TMEM200A: variants seen among roughly 807,000 people sequenced by gnomAD.
TMEM200A encodes the protein transmembrane protein 200A.
In TMEM200A, 12 loss-of-function variants were observed where a neutral mutation model predicts 24.3. The observed-to-expected ratio is 0.49, with a 90% CI of 0.32 to 0.80. The LOEUF (loss-of-function observed/expected upper bound fraction) is 0.80, where lower values mean the gene tolerates loss of function less well. Among genes scored for constraint, TMEM200A ranks in the 30% least tolerant of loss-of-function variants. TMEM200A has a pLI of 0.04. For missense variants in TMEM200A, 545 were observed against 614.4 expected (o/e 0.89, Z 1.19); for synonymous variants, 224 against 224.4 (o/e 1.00, Z 0.02).
intron 2 of TMEM200A, among the ~76,000 whole-genome samples, chr6:130,407,290 T>G (rs1022759414): frequency 6.6e-6 from 1 of 152,178 alleles, no homozygotes; most frequent in Non-Finnish European, 1.5e-5. Flanking sequence ...AATGTTTTAT[T>G]TAGGGATTTG....
chr6:130,429,076 C>T (rs1177275796), intron 2 of TMEM200A, among the ~76,000 whole-genome samples: 1 of 152,058 alleles, frequency 6.6e-6, no homozygotes, highest in East Asian at 1.9e-4. Flanking sequence ...AGATAAAATG[C>T]TACAGCAGTG....
rs189831503 is a variant in TMEM200A at position 130,415,705 on chromosome 6, C to T, written c.-16-24702C>T. Among the ~76,000 whole-genome samples, 78 of 152,228 alleles carry T rather than the reference C, an allele frequency of 5.1e-4. No individual in the cohort carries two copies. In the East Asian group the frequency reaches 0.015, roughly 29 times the overall value. Reference sequence around the variant, plus strand: ...CCCTCCTTTTCCTGCTGCCACTAGACAGTTATTGAAGGGTGTCTGAGGTTG... The same window carrying T: ...CCCTCCTTTTCCTGCTGCCACTAGATAGTTATTGAAGGGTGTCTGAGGTTG... On this transcript the variant is annotated intron_variant, in intron 2 of 2. Coordinates refer to ENST00000296978, the MANE Select transcript of TMEM200A (RefSeq NM_001258277.2).
intron 2 of TMEM200A, among the ~76,000 whole-genome samples, chr6:130,425,822 A>G (rs1474273861): frequency 6.6e-6 from 1 of 152,196 alleles, no homozygotes; most frequent in African/African-American, 2.4e-5. Flanking sequence ...ATTAATCTCC[A>G]AAAGACTACA....
intron 2 of TMEM200A, among the ~76,000 whole-genome samples, chr6:130,397,011 A>G (rs1428968187): frequency 1.3e-5 from 2 of 152,152 alleles, no homozygotes; most frequent in Admixed American, 6.6e-5. Flanking sequence ...GTTTACTTAA[A>G]TGATTTCCTA....
intron 2 of TMEM200A, among the ~76,000 whole-genome samples, chr6:130,407,422 G>T (rs914290776): frequency 6.6e-6 from 1 of 152,122 alleles, no homozygotes; most frequent in African/African-American, 2.4e-5. Context: ...GTTAATGGTC[G>T]GGAGGTATAT....
chr6:130,440,607 G>T lies in TMEM200A; in HGVS notation c.185G>T (p.Gly62Val), dbSNP rs759940770. 9 of 1,613,816 alleles carry T rather than the reference G, an allele frequency of 5.6e-6. No homozygotes were observed. The highest frequency in any genetic ancestry group is 2.7e-5 in the African/African-American group (2 of 74,882). Reference protein sequence around the residue: ...RGKIRLYSPSGFFLILGVLIS... With the variant: ...RGKIRLYSPSVFFLILGVLIS... ...AAAATCCGGCTTTATTCCCCATCTG[G>T]TTTTTTTCTTATTTTAGGAGTGCTC... is the stretch of plus-strand genomic sequence containing the variant. The change falls in exon 3 of 3, where the codon GGT (glycine) becomes GTT (valine). Residue 62 changes from glycine to valine, a missense_variant. By Grantham distance (109) the Gly-to-Val change is moderately radical. Transcript: ENST00000296978.
At chr6:130,433,018 A>G (rs1779914241) in intron 2 of TMEM200A, among the ~76,000 whole-genome samples, 1 of 152,200 alleles carries the variant, frequency 6.6e-6, no homozygotes, top group South Asian at 2.1e-4. Context: ...AGATGGAGGA[A>G]CTGAGATAAG....
At chr6:130,386,007 T>C (rs1778703514) in intron 2 of TMEM200A, among the ~76,000 whole-genome samples, 1 of 152,244 alleles carries the variant, frequency 6.6e-6, no homozygotes, top group South Asian at 2.1e-4. Context: ...TTCAATTATC[T>C]AGAATTTTTC....
chr6:130,382,496 AGTTG>A (rs1272625668), intron 1 of TMEM200A, among the ~76,000 whole-genome samples: 1 of 152,066 alleles, frequency 6.6e-6, no homozygotes, highest in Non-Finnish European at 1.5e-5. Flanking sequence ...TTCTCAGGAG[AGTTG>A]GTTGCACCTT....
At chr6:130,395,063 T>G (rs186714172) in intron 2 of TMEM200A, among the ~76,000 whole-genome samples, 74 of 152,288 alleles carry the variant, frequency 4.9e-4, no homozygotes, top group African/African-American at 1.8e-3. Flanking sequence ...TGTATTGCAA[T>G]GTTTTGAAAG....
chr6:130,391,412 A>G (rs1412415858), intron 2 of TMEM200A, among the ~76,000 whole-genome samples: 1 of 152,068 alleles, frequency 6.6e-6, no homozygotes, highest in Non-Finnish European at 1.5e-5. Context: ...TAATTAGACA[A>G]TGTGTTCACT....
intron 2 of TMEM200A, among the ~76,000 whole-genome samples, chr6:130,430,190 G>A (rs998677964): frequency 6.6e-5 from 10 of 152,090 alleles, no homozygotes; most frequent in Admixed American, 5.2e-4. Context: ...CCACTACCTG[G>A]TTTATAAATA....
At chr6:130,435,438 G>T (rs958069996) in intron 2 of TMEM200A, among the ~76,000 whole-genome samples, 3 of 152,110 alleles carry the variant, frequency 2.0e-5, no homozygotes, top group Non-Finnish European at 4.4e-5. Context: ...TATAGTCTCA[G>T]GCCAGGAAAC....
At chr6:130,434,690 G>T (rs1170989882) in intron 2 of TMEM200A, among the ~76,000 whole-genome samples, 5 of 152,058 alleles carry the variant, frequency 3.3e-5, no homozygotes, top group Admixed American at 2.6e-4. Context: ...AGAACGGACG[G>T]TATGTGGTAT....
Position 130,442,051 on chromosome 6 carries a change from A to G in TMEM200A, c.*153A>G, listed in dbSNP as rs745965602. 4.2e-6 allele frequency: 3 copies of G among 719,494 alleles called. No homozygotes were observed. The highest frequency in any genetic ancestry group is 6.7e-6 in the Non-Finnish European group (3 of 449,114). 44.6% of individuals were successfully genotyped at this position (719,494 alleles called of 1,614,324 possible). ...TTAGTTCTGTAATGAAGATGGTTGT[A>G]TGTTTGGGTTACTTGTGACTGCAGT... On this transcript the variant is annotated 3_prime_UTR_variant, in exon 3 of 3. Coordinates refer to ENST00000296978, the MANE Select transcript of TMEM200A (RefSeq NM_001258277.2).
chr6:130,435,995 A>T (rs578122863), intron 2 of TMEM200A, among the ~76,000 whole-genome samples: 1 of 152,320 alleles, frequency 6.6e-6, no homozygotes, highest in East Asian at 1.9e-4. Flanking sequence ...AGATTTGGAA[A>T]ATGGGAGTTG....
At chr6:130,432,993 G>C (rs980927230) in intron 2 of TMEM200A, among the ~76,000 whole-genome samples, 2 of 152,074 alleles carry the variant, frequency 1.3e-5, no homozygotes, top group South Asian at 2.1e-4. Context: ...ATCAAAGAAG[G>C]CTTTGCCATT....
At chr6:130,386,625 A>G (rs1261635901) in intron 2 of TMEM200A, among the ~76,000 whole-genome samples, 1 of 152,154 alleles carries the variant, frequency 6.6e-6, no homozygotes, top group Non-Finnish European at 1.5e-5. Flanking sequence ...TCAAACATCA[A>G]CTTCTAGTGC....
intron 2 of TMEM200A, among the ~76,000 whole-genome samples, chr6:130,426,785 G>A (rs1779755359): frequency 6.6e-6 from 1 of 152,156 alleles, no homozygotes; most frequent in South Asian, 2.1e-4. Flanking sequence ...TGCTGATTAA[G>A]GCTTACTTCT....
Sources: allele counts gnomAD v4.1 joint callset (sites outside exome capture counted in the v4.1 genomes callset), GRCh38; gene constraint gnomAD v4.1.1; transcripts MANE v1.5; gene names NCBI Gene and HGNC (gene_info 2026-07-23, HGNC 2026-07-21).